Variants in SH3PXD2B observed in about 807,000 individuals in gnomAD.
SH3PXD2B encodes SH3 and PX domains 2B.
A neutral mutation model predicts 73.1 loss-of-function variants in SH3PXD2B; 37 were observed. That is an observed-to-expected ratio of 0.51 (90% CI 0.39 to 0.67). The LOEUF is 0.67. Among genes scored for constraint, SH3PXD2B ranks in the 30% least tolerant of loss-of-function variants. The pLI is 0.00. For synonymous variants in SH3PXD2B, 457 were observed against 480.5 expected (o/e 0.95, Z 0.64); for missense variants, 1,053 against 1,197.8 (o/e 0.88, Z 1.78).
chr5:172,407,726 T>C (rs1166336612), intron 2 of SH3PXD2B, among the ~76,000 whole-genome samples: 1 of 152,180 alleles, frequency 6.6e-6, no homozygotes, highest in Non-Finnish European at 1.5e-5. Context: ...AGCTATTGTG[T>C]AGGCATTTGG....
chr5:172,368,496 T>TAA, intron 6 of SH3PXD2B, among the ~76,000 whole-genome samples: 1 of 5,834 alleles, frequency 1.7e-4, no homozygotes, highest in African/African-American at 6.2e-4. Context: ...TATATATATA[T>TAA]TATATATATA....
intron 1 of SH3PXD2B, among the ~76,000 whole-genome samples, chr5:172,444,992 T>C (rs1344010991): frequency 6.6e-6 from 1 of 152,156 alleles, no homozygotes; most frequent in Non-Finnish European, 1.5e-5. Context: ...TCAAACCTCT[T>C]CTGCTTTTTC....
In SH3PXD2B at chr5:172,358,802, T is replaced by C; in HGVS notation, c.638A>G (p.Gln213Arg). 6.2e-7 allele frequency: 1 copy of C among 1,613,700 alleles called. No homozygotes were observed. The highest frequency in any genetic ancestry group is 1.1e-5 in the South Asian group (1 of 90,940). Residue 213 changes from glutamine to arginine, a missense_variant, in exon 8 of 13, where the codon CAG becomes CGG. Around this residue, in one of 2 missense-constraint regions of SH3PXD2B, gnomAD observed 466 missense variants for 607.1 expected, o/e 0.77. Coordinates refer to ENST00000311601, the MANE Select transcript of SH3PXD2B (RefSeq NM_001017995.3). ...TTCAGGCTGCAGAGAAAACTCATCC[T>C]GCACCCCATCCTGGCCTTCGAGGCA... ...ATCLEGQDGV[Q>R]DEFSLQPEEE... is the part of the protein sequence containing the mutation.
At chr5:172,405,651 T>G (rs1434567923) in intron 3 of SH3PXD2B, among the ~76,000 whole-genome samples, 1 of 152,184 alleles carries the variant, frequency 6.6e-6, no homozygotes, top group African/African-American at 2.4e-5. Flanking sequence ...AGATAAGAGC[T>G]TGGCTCAGCT....
intron 8 of SH3PXD2B, among the ~76,000 whole-genome samples, chr5:172,354,489 G>A (rs1757229678): frequency 6.6e-6 from 1 of 152,198 alleles, no homozygotes; most frequent in Non-Finnish European, 1.5e-5. Context: ...TCAGCACTGG[G>A]CATGGTGCTT....
intron 6 of SH3PXD2B, among the ~76,000 whole-genome samples, chr5:172,372,240 G>A (rs180952422): frequency 4.5e-4 from 68 of 152,170 alleles, no homozygotes; most frequent in African/African-American, 1.6e-3. Context: ...CATGGGGGTG[G>A]GTCCTTCATG....
chr5:172,443,396 T>C (rs1759592018), intron 1 of SH3PXD2B, among the ~76,000 whole-genome samples: 1 of 152,224 alleles, frequency 6.6e-6, no homozygotes, highest in Non-Finnish European at 1.5e-5. Flanking sequence ...AAGGGCCCTC[T>C]GAATTCCACC....
chr5:172,330,800 C>T (rs1038173874), downstream of SH3PXD2B, among the ~76,000 whole-genome samples: 4 of 152,186 alleles, frequency 2.6e-5, no homozygotes, highest in Non-Finnish European at 5.9e-5. Flanking sequence ...AATTTCCTCA[C>T]CCATAAAATG....
In SH3PXD2B at chr5:172,335,684, T is replaced by A; in HGVS notation, c.*2685A>T. 1 of 1,231,706 alleles carries A rather than the reference T, an allele frequency of 8.1e-7. No homozygotes were observed. The highest frequency in any genetic ancestry group is 1.0e-6 in the Non-Finnish European group (1 of 987,962). 76.3% of individuals were successfully genotyped at this position (1,231,706 alleles called of 1,614,324 possible). On this transcript the variant is annotated 3_prime_UTR_variant, in exon 13 of 13. Transcript: ENST00000311601. ...CCAGGGGAGTTCTGCATATGCGCCA[T>A]CAATCGCTCACAGAATAGCGACCAC...
At chr5:172,374,995 G>A (rs1757791885) in intron 5 of SH3PXD2B, among the ~76,000 whole-genome samples, 1 of 152,206 alleles carries the variant, frequency 6.6e-6, no homozygotes, top group Non-Finnish European at 1.5e-5. Flanking sequence ...CTAGCAAGTA[G>A]CACAGCTAGA....
At chr5:172,419,758 A>T (rs17051996) in intron 2 of SH3PXD2B, among the ~76,000 whole-genome samples, 1 of 151,916 alleles carries the variant, frequency 6.6e-6, no homozygotes, top group Non-Finnish European at 1.5e-5. Context: ...TGCTCGGTGG[A>T]TGTAAATAAT....
At chr5:172,372,060 G>A (rs1757716951) in intron 6 of SH3PXD2B, among the ~76,000 whole-genome samples, 1 of 152,204 alleles carries the variant, frequency 6.6e-6, no homozygotes, top group South Asian at 2.1e-4. Context: ...AATGACTGTG[G>A]GGCCTGTGAA....
At chr5:172,400,009 G>C (rs750116753) in intron 3 of SH3PXD2B, among the ~76,000 whole-genome samples, 2 of 152,120 alleles carry the variant, frequency 1.3e-5, no homozygotes, top group Non-Finnish European at 2.9e-5. Context: ...TGTTACCACG[G>C]GTGATAAATA....
chr5:172,428,947 T>C (rs1210686558), intron 1 of SH3PXD2B, among the ~76,000 whole-genome samples: 1 of 152,182 alleles, frequency 6.6e-6, no homozygotes, highest in Non-Finnish European at 1.5e-5. Flanking sequence ...CAGTATGAGG[T>C]TGGGTGCCCC....
intron 8 of SH3PXD2B, among the ~76,000 whole-genome samples, chr5:172,354,730 CTT>C (rs1429454841): frequency 2.6e-5 from 4 of 152,220 alleles, no homozygotes; most frequent in Admixed American, 1.3e-4. Flanking sequence ...CTGATCTTCA[CTT>C]TTTATTAATC....
In SH3PXD2B at chr5:172,338,685, A is replaced by T. The variant is rs763599720; in HGVS notation, c.2420T>A (p.Phe807Tyr). The change falls in exon 13 of 13, where the codon TTT becomes TAT. Residue 807 changes from phenylalanine (F) to tyrosine (Y), a missense_variant. Phe to Tyr is a conservative substitution (Grantham distance 22). Transcript: ENST00000311601. This position sits in a 1 kb window ranked among gnomAD's most constrained non-coding sequence, Gnocchi z 5.1. ...CTGGCCCCCCAAAGAGTTGGAGAGA[A>T]AAGGTTTGGCTTTTGGAGGGACGAG... is the stretch of plus-strand genomic sequence containing the variant. Reference protein sequence around the residue: ...ALLVPPKAKPFLSNSLGGQDD... With the variant: ...ALLVPPKAKPYLSNSLGGQDD... The T allele has an allele frequency of 1.2e-6, 2 of 1,614,056 alleles. No individual in the cohort carries two copies. Among genetic ancestry groups the T allele is most frequent in the Non-Finnish European group, 8.5e-7 (1 of 1,180,040 alleles).
At chr5:172,390,619 G>T (rs1378202134) in intron 4 of SH3PXD2B, among the ~76,000 whole-genome samples, 5 of 152,180 alleles carry the variant, frequency 3.3e-5, no homozygotes, top group African/African-American at 1.2e-4. Flanking sequence ...GTGTATCCAT[G>T]CACCAGCTGA....
intron 6 of SH3PXD2B, among the ~76,000 whole-genome samples, chr5:172,363,687 G>A (rs541543649): frequency 5.9e-5 from 9 of 152,112 alleles, no homozygotes; most frequent in Non-Finnish European, 1.3e-4. Context: ...AAAGGACTTG[G>A]GGTCTTCGGG....
At chr5:172,439,028 CG>C (rs972523557) in intron 1 of SH3PXD2B, among the ~76,000 whole-genome samples, 18 of 151,606 alleles carry the variant, frequency 1.2e-4, no homozygotes, top group African/African-American at 4.4e-4. Context: ...CACCTGAGGT[CG>C]GGAGTTCGAG....
Sources: gnomAD v4.1 joint callset for allele counts (sites outside exome capture counted in the v4.1 genomes callset) on GRCh38, gnomAD v4.1.1 for gene constraint, gnomAD v4.1.1 regional missense constraint, Gnocchi (gnomAD v3.1) non-coding constraint, MANE v1.5 for transcripts, NCBI Gene and HGNC (gene_info 2026-07-23, HGNC 2026-07-21) for gene names.